The following CCDC30 variants were observed in gnomAD, a reference collection of about 807,000 sequenced individuals.
The protein encoded by CCDC30 is coiled-coil domain-containing protein 30.
A neutral mutation model predicts 100.2 loss-of-function variants in CCDC30; 70 were observed. The observed-to-expected ratio is 0.70, with a 90% CI of 0.58 to 0.85. The LOEUF is 0.85. Ranked by LOEUF, CCDC30 falls within the 40% of genes least tolerant of loss-of-function variation. CCDC30 has a pLI of 0.00. For missense variants in CCDC30, 652 were observed against 771.2 expected (o/e 0.85, Z 1.83); for synonymous variants, 233 against 269.5 (o/e 0.86, Z 1.33).
At chr1:42,471,317 A>T (rs904894087) in intron 1 of CCDC30, among the ~76,000 whole-genome samples, 1 of 152,136 alleles carries the variant, frequency 6.6e-6, no homozygotes, top group Admixed American at 6.5e-5. Context: ...CAGCATGGGG[A>T]TTATGCTGTT....
intron 6 of CCDC30, among the ~76,000 whole-genome samples, chr1:42,559,835 T>C (rs954574632): frequency 6.6e-6 from 1 of 152,148 alleles, no homozygotes; most frequent in Admixed American, 6.5e-5. Flanking sequence ...CAACAGAATA[T>C]ACATTCTTCT....
intron 1 of CCDC30, among the ~76,000 whole-genome samples, chr1:42,472,966 G>C (rs188272839): frequency 6.5e-4 from 99 of 152,262 alleles, no homozygotes; most frequent in African/African-American, 2.1e-3. Flanking sequence ...ACATAAGTGT[G>C]ATGAAGGTTC....
chr1:42,542,071 G>T (rs977171046), intron 6 of CCDC30, among the ~76,000 whole-genome samples: 1 of 152,174 alleles, frequency 6.6e-6, no homozygotes, highest in African/African-American at 2.4e-5. Context: ...TAATTCTTAT[G>T]CTACTTAAAC....
At chr1:42,501,945 A>G (rs910335365) in intron 6 of CCDC30, among the ~76,000 whole-genome samples, 6 of 152,166 alleles carry the variant, frequency 3.9e-5, no homozygotes, top group African/African-American at 1.2e-4. Context: ...TCAGATCTCA[A>G]ACTCCGTGCT....
rs1643971823 is a variant in CCDC30, at chr1:42,482,226, A to AG, written c.16-437_16-436insG. Among the ~76,000 whole-genome samples the AG allele has an allele frequency of 2.6e-5, 4 of 151,952 alleles. No individual in the cohort carries two copies. The South Asian group carries it at 8.3e-4, about 32-fold the overall frequency. On this transcript the variant is annotated intron_variant, in intron 2 of 16. Coordinates refer to ENST00000668663, the Ensembl canonical transcript of CCDC30. Reference sequence around the variant, plus strand: ...GGACCAGGTGAGACTCCATCTCAAAAAAAAAAAAAAAATCATTACATTAGA... The same window carrying AG: ...GGACCAGGTGAGACTCCATCTCAAAAGAAAAAAAAAAAATCATTACATTAGA...
chr1:42,622,768 T>G (rs539674349), intron 11 of CCDC30, among the ~76,000 whole-genome samples: 6 of 152,306 alleles, frequency 3.9e-5, no homozygotes, highest in African/African-American at 1.2e-4. Flanking sequence ...GCCACTACGA[T>G]GCCCAGCCTC....
At chr1:42,527,837 T>G (rs982582085) in intron 6 of CCDC30, among the ~76,000 whole-genome samples, 1 of 152,024 alleles carries the variant, frequency 6.6e-6, no homozygotes, top group Non-Finnish European at 1.5e-5. Context: ...TCTCTACTCT[T>G]TCTTTTTTTT....
chr1:42,498,954 A>C, intron 6 of CCDC30, 38 bp downstream of exon 6: 1 of 1,110,192 alleles, frequency 9.0e-7, no homozygotes, highest in Non-Finnish European at 1.1e-6. Context: ...CTGATCTCTA[A>C]TTTTTGAGTT....
chr1:42,646,407 C>A, intron 15 of CCDC30, 90 bp downstream of exon 19: 1 of 1,296,330 alleles, frequency 7.7e-7, no homozygotes, highest in Non-Finnish European at 9.9e-7. Context: ...CTTATGGTTT[C>A]TACACTGGAA....
At chr1:42,601,503 C>T (rs1646403679) in intron 10 of CCDC30, among the ~76,000 whole-genome samples, 1 of 152,190 alleles carries the variant, frequency 6.6e-6, no homozygotes. Flanking sequence ...GAACCCCTAG[C>T]TAACCTTCCC....
chr1:42,554,256 T>C (rs1645320410), intron 6 of CCDC30, among the ~76,000 whole-genome samples: 1 of 151,570 alleles, frequency 6.6e-6, no homozygotes, highest in Admixed American at 6.6e-5. Context: ...ATTCAAAGAT[T>C]ATGGACATTT....
chr1:42,625,978 G>A (rs1244638011), intron 11 of CCDC30, among the ~76,000 whole-genome samples: 1 of 151,924 alleles, frequency 6.6e-6, no homozygotes, highest in Non-Finnish European at 1.5e-5. Context: ...TACTGTATTG[G>A]GATCTGTCTC....
chr1:42,492,772 G>A (rs1032645527), intron 4 of CCDC30, among the ~76,000 whole-genome samples: 2 of 151,780 alleles, frequency 1.3e-5, no homozygotes, highest in Admixed American at 6.6e-5. Context: ...TCAGCCTCCC[G>A]AGTAGCTGGA....
At chr1:42,489,526 T>C (rs1644103495) in intron 3 of CCDC30, among the ~76,000 whole-genome samples, 1 of 152,192 alleles carries the variant, frequency 6.6e-6, no homozygotes, top group African/African-American at 2.4e-5. Flanking sequence ...TGTTATAAAA[T>C]TCATGTTAGT....
chr1:42,468,984 A>G lies in CCDC30; in HGVS notation c.-92+5086A>G, dbSNP rs146880440. On this transcript the variant is annotated intron_variant, in intron 1 of 16. Coordinates refer to ENST00000668663, the Ensembl canonical transcript of CCDC30. ...GAGAAGGAAAGGCTAGAGACATAGG[A>G]GTCAAAACAGGAGAAAGTGACATCA... Among the ~76,000 whole-genome samples the G allele has an allele frequency of 3.8e-3, 579 of 152,214 alleles. 7 individuals carry two copies. Among genetic ancestry groups the G allele is most frequent in the African/African-American group, 0.013 (537 of 41,536 alleles).
chr1:42,482,933 C>A, intron 3 of CCDC30, 117 bp downstream of exon 3: 1 of 715,644 alleles, frequency 1.4e-6, no homozygotes, highest in Non-Finnish European at 1.9e-6. Context: ...AAGATAAACA[C>A]ATAAAAGTGA....
chr1:42,644,422 G>A (rs1235951875), intron 13 of CCDC30, among the ~76,000 whole-genome samples: 2 of 152,120 alleles, frequency 1.3e-5, no homozygotes, highest in African/African-American at 4.8e-5. Context: ...GCCTTCCCCA[G>A]CCCACGACTC....
chr1:42,626,334 G>A (rs759393779), intron 11 of CCDC30, among the ~76,000 whole-genome samples: 36 of 151,984 alleles, frequency 2.4e-4, no homozygotes, highest in Non-Finnish European at 2.6e-4. Context: ...TTGATTGGAA[G>A]GTTTAGTCCA....
intron 6 of CCDC30, among the ~76,000 whole-genome samples, chr1:42,518,326 A>G (rs1162324075): frequency 6.6e-6 from 1 of 152,136 alleles, no homozygotes; most frequent in Non-Finnish European, 1.5e-5. Context: ...ATGTCCTACT[A>G]CTTTTTGAAT....
Sources: allele counts gnomAD v4.1 joint callset (sites outside exome capture counted in the v4.1 genomes callset), GRCh38; gene constraint gnomAD v4.1.1; transcripts MANE v1.5; gene names NCBI Gene and HGNC (gene_info 2026-07-23, HGNC 2026-07-21).